The following RRM2 variants were observed in gnomAD, a reference collection of about 807,000 sequenced individuals.
RRM2 encodes the protein ribonucleoside-diphosphate reductase subunit M2.
Under a neutral mutation model 45.9 loss-of-function variants are expected in RRM2, and 6 were observed. That is an observed-to-expected ratio of 0.13 (90% CI 0.07 to 0.26). The LOEUF (loss-of-function observed/expected upper bound fraction) is 0.26. Among genes scored for constraint, RRM2 ranks in the 10% least tolerant of loss-of-function variants. The pLI is 1.00. For missense variants in RRM2, 343 were observed against 489.5 expected, an observed-to-expected ratio of 0.70 and a Z score of 2.82; for synonymous variants, 177 against 173.0, an observed-to-expected ratio of 1.02 and a Z score of -0.18.
chr2:10,127,022 T>C lies in RRM2; in HGVS notation c.664+53T>C, dbSNP rs942416347. 5.9e-5 allele frequency: 95 copies of C among 1,611,234 alleles called. No individual in the cohort carries two copies. The highest frequency in any genetic ancestry group is 7.9e-5 in the Non-Finnish European group (93 of 1,177,750). On this transcript the variant is annotated intron_variant, in intron 6 of 9. Coordinates refer to ENST00000304567, the MANE Select transcript of RRM2 (RefSeq NM_001034.4). This position sits in a 1 kb window ranked among gnomAD's most constrained non-coding sequence, Gnocchi z 4.1. ...CCTGAGCTTCATTTTCCAAGTAATG[T>C]TACTGGATTTTTGGCCCTTGAATAC...
chr2:10,166,333 C>A (rs774506079), intron 3 of RRM2, among the ~76,000 whole-genome samples: 1 of 152,222 alleles, frequency 6.6e-6, no homozygotes, highest in Non-Finnish European at 1.5e-5. Flanking sequence ...GCCCTTCTCC[C>A]GGGCCCTGCT....
In RRM2 at chr2:10,126,905, G is replaced by T; in HGVS notation, c.600G>T (p.Met200Ile). The T allele has an allele frequency of 6.2e-7, 1 of 1,614,168 alleles. No homozygotes were observed. The highest frequency in any genetic ancestry group is 8.5e-7 in the Non-Finnish European group (1 of 1,180,028). ...REFLFNAIETMPCVKKKADWA... is the reference protein window; with the variant it reads ...REFLFNAIETIPCVKKKADWA... ...TTCTCTTCAATGCCATTGAAACGAT[G>T]CCTTGTGTCAAGAAGAAGGCAGACT... Residue 200 changes from methionine to isoleucine, a missense_variant, in exon 6 of 10, where the codon ATG becomes ATT. Physicochemically the swap from Met to Ile is conservative, Grantham distance 10 (BLOSUM62 1). This residue lies in a region of RRM2 where 212 missense variants were observed against 368.1 expected (regional missense o/e 0.58). Transcript: ENST00000304567.
intron 3 of RRM2, among the ~76,000 whole-genome samples, chr2:10,196,374 C>T (rs1302406946): frequency 6.6e-6 from 1 of 152,196 alleles, no homozygotes; most frequent in Non-Finnish European, 1.5e-5. Flanking sequence ...GGTTTCATCT[C>T]GGGACACAGT....
intron 3 of RRM2, among the ~76,000 whole-genome samples, chr2:10,165,435 G>A (rs1663657579): frequency 6.6e-6 from 1 of 152,220 alleles, no homozygotes; most frequent in South Asian, 2.1e-4. Flanking sequence ...CAGGACAGGG[G>A]CCCTGTGTGG....
intron 3 of RRM2, among the ~76,000 whole-genome samples, chr2:10,209,258 A>G (rs547374691): frequency 3.7e-4 from 56 of 151,882 alleles, no homozygotes; most frequent in African/African-American, 1.3e-3. Flanking sequence ...GGGTTTCACC[A>G]TGTTGGCCAG....
At chr2:10,131,653 C>G (rs1387965778), downstream of RRM2, among the ~76,000 whole-genome samples, 1 of 152,144 alleles carries the variant, frequency 6.6e-6, no homozygotes, top group Non-Finnish European at 1.5e-5. Context: ...GCAGGAGAAT[C>G]ACTTGAACCC....
In RRM2 at chr2:10,123,502, C is replaced by T. The variant is rs1279459486; in HGVS notation, c.290C>T (p.Ala97Val). The part of the protein sequence containing the change: ...YHDIWQMYKK[A>V]EASFWTAEEV... The stretch of plus-strand genomic sequence containing the variant: ...GATATCTGGCAGATGTATAAGAAGG[C>T]AGAGGCTTCCTTTTGGACCGCCGAG... Residue 97 changes from alanine (A) to valine (V), a missense_variant, in exon 3 of 10, where the codon GCA (alanine) becomes GTA (valine). This residue lies in a region of RRM2 where 212 missense variants were observed against 368.1 expected (regional missense o/e 0.58). Transcript: ENST00000304567. 1 of 1,613,844 alleles carries T rather than the reference C, an allele frequency of 6.2e-7. No individual in the cohort carries two copies. The highest frequency in any genetic ancestry group is 8.5e-7 in the Non-Finnish European group (1 of 1,179,914).
intron 3 of RRM2, among the ~76,000 whole-genome samples, chr2:10,148,309 GCTCA>G (rs1163132344): frequency 6.6e-6 from 1 of 151,408 alleles, no homozygotes; most frequent in African/African-American, 2.4e-5. Flanking sequence ...TAGATTCATT[GCTCA>G]CTGTCAGTTC....
chr2:10,197,100 C>T (rs1159905703), intron 3 of RRM2, among the ~76,000 whole-genome samples: 5 of 152,216 alleles, frequency 3.3e-5, no homozygotes. Flanking sequence ...CATGGCGTCT[C>T]TCCAGGCCCT....
At chr2:10,166,432 A>G (rs985333894) in intron 3 of RRM2, among the ~76,000 whole-genome samples, 4 of 152,144 alleles carry the variant, frequency 2.6e-5, no homozygotes, top group African/African-American at 9.7e-5. Flanking sequence ...CCTGAACACC[A>G]AGCTGCCCTG....
intron 3 of RRM2, among the ~76,000 whole-genome samples, chr2:10,179,395 C>T (rs1217051764): frequency 2.0e-5 from 3 of 152,200 alleles, no homozygotes; most frequent in African/African-American, 7.2e-5. Flanking sequence ...AGGGCATCCA[C>T]CCGCCTCGGC....
At chr2:10,135,930 T>C (rs1662982635), downstream of RRM2, among the ~76,000 whole-genome samples, 1 of 152,082 alleles carries the variant, frequency 6.6e-6, no homozygotes, top group Non-Finnish European at 1.5e-5. Flanking sequence ...CGGGTTATTG[T>C]CTTGGTGCTG....
intron 3 of RRM2, among the ~76,000 whole-genome samples, chr2:10,199,882 G>A (rs953678172): frequency 7.3e-5 from 11 of 150,746 alleles, no homozygotes; most frequent in African/African-American, 2.4e-4. Context: ...TGCCCAGGCT[G>A]GAGTGCAATG....
chr2:10,148,873 G>A (rs1342811271), intron 3 of RRM2, among the ~76,000 whole-genome samples: 1 of 152,062 alleles, frequency 6.6e-6, no homozygotes, highest in Admixed American at 6.5e-5. Context: ...TTCCAAATCT[G>A]TAATTTTCTC....
intron 3 of RRM2, among the ~76,000 whole-genome samples, chr2:10,163,511 C>T (rs1392996400): frequency 6.6e-6 from 1 of 152,172 alleles, no homozygotes; most frequent in African/African-American, 2.4e-5. Flanking sequence ...TGATCTTGGG[C>T]AAGTCACATG....
chr2:10,185,715 G>A lies in RRM2; in HGVS notation n.483-24596G>A, dbSNP rs534729119. ...TGTGCCCCTGTGTCTCCCCTTCCTT[G>A]CCTTTCAAACTCCTCTCTCTGTCCC... On this transcript the variant is annotated intron_variant and non_coding_transcript_variant, in intron 3 of 3. Coordinates refer to the RRM2 transcript ENST00000381786. The surrounding 1 kb of genome is among the most constrained non-coding windows in gnomAD (Gnocchi z 4.3). 6.6e-6 allele frequency among the ~76,000 whole-genome samples: 1 copy of A among 152,160 alleles called. No individual in the cohort carries two copies. The highest frequency in any genetic ancestry group is 1.9e-4 in the East Asian group (1 of 5,174).
chr2:10,192,690 G>C (rs544773188), intron 3 of RRM2: 3 of 154,316 alleles, frequency 1.9e-5, no homozygotes, highest in African/African-American at 7.2e-5. Flanking sequence ...GGGGAAGACT[G>C]AAAGTATTAG....
exon 4 of RRM2, chr2:10,210,626 C>A (rs1157742271): frequency 7.4e-7 from 1 of 1,354,752 alleles, no homozygotes. Context: ...TCAATCACAC[C>A]CACTGCCTCT....
intron 3 of RRM2, among the ~76,000 whole-genome samples, chr2:10,166,832 T>C (rs1663692920): frequency 6.6e-6 from 1 of 152,194 alleles, no homozygotes; most frequent in African/African-American, 2.4e-5. Flanking sequence ...AGCATGAGCG[T>C]GTCTAGATGG....
Sources: allele counts gnomAD v4.1 joint callset (sites outside exome capture counted in the v4.1 genomes callset), GRCh38; gene constraint gnomAD v4.1.1; regional missense constraint gnomAD v4.1.1; non-coding constraint Gnocchi (gnomAD v3.1); transcripts MANE v1.5; gene names NCBI Gene and HGNC (gene_info 2026-07-23, HGNC 2026-07-21).